The following ZNF804B variants were observed in gnomAD, a reference collection of about 807,000 sequenced individuals.
ZNF804B encodes the protein zinc finger protein 804B, also known as zinc finger 804B.
A neutral mutation model predicts 101.4 loss-of-function variants in ZNF804B; 80 were observed. The observed-to-expected ratio is 0.79, with a 90% CI of 0.66 to 0.95. ZNF804B has a LOEUF of 0.95. ZNF804B is among the 40% of genes least tolerant of loss of function. The probability of loss-of-function intolerance (pLI) is 0.00; values close to 1 mark genes in which losing one functional copy is unlikely to be tolerated. For synonymous variants in ZNF804B, 622 were observed against 558.8 expected (o/e 1.11, Z -1.59); for missense variants, 1,673 against 1,561.9 (o/e 1.07, Z -1.20).
At chr7:89,116,907 A>G (rs1239418781) in intron 1 of ZNF804B, among the ~76,000 whole-genome samples, 1 of 152,206 alleles carries the variant, frequency 6.6e-6, no homozygotes, top group Non-Finnish European at 1.5e-5. Context: ...TGCAGATATG[A>G]TTAAGAATTT....
intron 1 of ZNF804B, among the ~76,000 whole-genome samples, chr7:89,137,121 T>A (rs1221075891): frequency 6.6e-6 from 1 of 151,934 alleles, no homozygotes; most frequent in Non-Finnish European, 1.5e-5. Context: ...ACTAATACAA[T>A]AAATTGGTAC....
intron 2 of ZNF804B, among the ~76,000 whole-genome samples, chr7:89,246,124 A>T (rs1789441801): frequency 1.3e-5 from 2 of 152,160 alleles, no homozygotes; most frequent in African/African-American, 4.8e-5. Context: ...TGGGGCAGAG[A>T]TAGAAGTACC....
chr7:88,942,292 C>T (rs866378484), intron 1 of ZNF804B, among the ~76,000 whole-genome samples: 2 of 151,906 alleles, frequency 1.3e-5, no homozygotes, highest in Admixed American at 1.3e-4. Flanking sequence ...AACATTCTGT[C>T]ATACAATTGG....
chr7:89,026,058 TG>T (rs1788746435), intron 1 of ZNF804B, among the ~76,000 whole-genome samples: 2 of 152,148 alleles, frequency 1.3e-5, no homozygotes, highest in Admixed American at 6.6e-5. Context: ...TTACATCAGC[TG>T]TATGCATGAT....
At chr7:89,174,191 T>G (rs185018653) in intron 1 of ZNF804B, among the ~76,000 whole-genome samples, 1 of 152,104 alleles carries the variant, frequency 6.6e-6, no homozygotes, top group East Asian at 1.9e-4. Context: ...TTATTCCATC[T>G]AACTATATAC....
chr7:89,294,357 A>G (rs1379257273), intron 2 of ZNF804B, among the ~76,000 whole-genome samples: 3 of 152,140 alleles, frequency 2.0e-5, no homozygotes, highest in Non-Finnish European at 4.4e-5. Context: ...ATTCAAAATG[A>G]TTTTCCCTCA....
chr7:88,776,862 G>A (rs1790150153), intron 1 of ZNF804B, among the ~76,000 whole-genome samples: 1 of 138,056 alleles, frequency 7.2e-6, no homozygotes, highest in East Asian at 2.2e-4. Flanking sequence ...GTCTAGTCAG[G>A]ATAACAGAAA....
intron 1 of ZNF804B, among the ~76,000 whole-genome samples, chr7:89,164,086 A>G (rs887836056): frequency 6.6e-6 from 1 of 152,018 alleles, no homozygotes; most frequent in Non-Finnish European, 1.5e-5. Context: ...GGGTTTTAAA[A>G]TGTACCACCG....
intron 1 of ZNF804B, among the ~76,000 whole-genome samples, chr7:89,053,640 CT>C (rs1261254120): frequency 2.6e-5 from 4 of 151,894 alleles, no homozygotes; most frequent in Non-Finnish European, 5.9e-5. Flanking sequence ...CAGATGATCA[CT>C]TTTGATTTCC....
At chr7:89,039,543 C>G (rs777990312) in intron 1 of ZNF804B, among the ~76,000 whole-genome samples, 14 of 151,634 alleles carry the variant, frequency 9.2e-5, no homozygotes, top group Non-Finnish European at 2.1e-4. Flanking sequence ...ATTTTGTCTT[C>G]TGCAAATTGA....
At chr7:89,020,055 G>A (rs966155468) in intron 1 of ZNF804B, among the ~76,000 whole-genome samples, 1 of 152,004 alleles carries the variant, frequency 6.6e-6, no homozygotes. Context: ...ATGGTTTTTA[G>A]TAGTTATAAG....
In ZNF804B at chr7:89,092,027, T is replaced by G. The variant is rs568191573; in HGVS notation, c.109-126128T>G. Among the ~76,000 whole-genome samples, 8 of 152,270 alleles carry G rather than the reference T, an allele frequency of 5.3e-5. No individual in the cohort carries two copies. In the South Asian group the frequency reaches 1.7e-3, roughly 32 times the overall value. ...TGTGTAGGCTATTATAACAAAACAC[T>G]GTAGATTAAGTGCCATATAAACAAC... On this transcript the variant is annotated intron_variant, in intron 1 of 3. Transcript: ENST00000333190.
At chr7:89,277,477 C>G (rs1467056262) in intron 2 of ZNF804B, among the ~76,000 whole-genome samples, 1 of 11,322 alleles carries the variant, frequency 8.8e-5, no homozygotes, top group African/African-American at 4.5e-4. Flanking sequence ...ATCCCTCCCC[C>G]CTCCCCCCTC....
At chr7:88,940,346 A>G (rs1031275041) in intron 1 of ZNF804B, among the ~76,000 whole-genome samples, 3 of 152,084 alleles carry the variant, frequency 2.0e-5, no homozygotes, top group Non-Finnish European at 2.9e-5. Context: ...ATGGTCTTAA[A>G]TGAGATTTTT....
Position 89,333,725 on chromosome 7 carries a change from G to A in ZNF804B, c.743G>A (p.Cys248Tyr), listed in dbSNP as rs1916830. 56,009 of 1,613,456 alleles carry A rather than the reference G, an allele frequency of 0.035. 7,354 individuals are homozygous for A. The East Asian group carries it at 0.46, about 13-fold the overall frequency. ...FSENTEETHDCNKSPIYKTKQ... is the reference protein window; with the variant it reads ...FSENTEETHDYNKSPIYKTKQ... ...GAGAACACAGAAGAAACCCATGATT[G>A]TAACAAGTCACCCATTTATAAAACA... Residue 248 changes from cysteine (C) to tyrosine (Y), a missense_variant, in exon 4 of 4, where the codon TGT (cysteine) becomes TAT (tyrosine). By Grantham distance (194) the Cys-to-Tyr change is radical. Coordinates refer to ENST00000333190, the MANE Select transcript of ZNF804B (RefSeq NM_181646.5).
Position 88,803,592 on chromosome 7 carries a change from A to G in ZNF804B, c.108+43508A>G, listed in dbSNP as rs77953454. ...TTAGGAATGCAAGGATTTAGAGATG[A>G]CACTGAAGGTTTGAATATCAGTTAC... On this transcript the variant is annotated intron_variant, in intron 1 of 3. Coordinates refer to ENST00000333190, the MANE Select transcript of ZNF804B (RefSeq NM_181646.5). Among the ~76,000 whole-genome samples, 242 of 152,296 alleles carry G rather than the reference A, an allele frequency of 1.6e-3. 5 individuals are homozygous for G. The East Asian group carries it at 0.044, about 27-fold the overall frequency.
intron 1 of ZNF804B, among the ~76,000 whole-genome samples, chr7:89,003,030 CTTT>C (rs66529311): frequency 6.8e-6 from 1 of 147,084 alleles, no homozygotes. Flanking sequence ...CAGCTATATA[CTTT>C]TTTTTTTTTT....
intron 1 of ZNF804B, among the ~76,000 whole-genome samples, chr7:88,849,954 T>A (rs1205966370): frequency 6.6e-6 from 1 of 151,996 alleles, no homozygotes; most frequent in Non-Finnish European, 1.5e-5. Flanking sequence ...ATTATAAATA[T>A]AATAAAAATG....
At chr7:89,080,334 G>T (rs1471269240) in intron 1 of ZNF804B, among the ~76,000 whole-genome samples, 2 of 151,560 alleles carry the variant, frequency 1.3e-5, no homozygotes, top group African/African-American at 4.8e-5. Context: ...TTGCCTTGTG[G>T]GTTGTTGTAG....
Sources: gnomAD v4.1 joint callset for allele counts (sites outside exome capture counted in the v4.1 genomes callset) on GRCh38, gnomAD v4.1.1 for gene constraint, MANE v1.5 for transcripts, NCBI Gene and HGNC (gene_info 2026-07-23, HGNC 2026-07-21) for gene names.